The following PRKN variants were observed in gnomAD, a reference collection of about 807,000 sequenced individuals.
PRKN encodes E3 ubiquitin-protein ligase parkin.
PRKN carries 56 observed loss-of-function variants against 59.5 expected under a neutral mutation model. The ratio of observed to expected loss-of-function variants is 0.94; its 90% CI spans 0.76 to 1.18. PRKN has a LOEUF of 1.18. Ranked by LOEUF, PRKN falls within the 50% of genes most tolerant of loss-of-function variation. The probability of loss-of-function intolerance (pLI) is 0.00; values close to 1 mark genes in which losing one functional copy is unlikely to be tolerated. For synonymous variants in PRKN, 250 were observed against 222.1 expected, an observed-to-expected ratio of 1.13 and a Z score of -1.12; for missense variants, 657 against 596.4, an observed-to-expected ratio of 1.10 and a Z score of -1.06.
chr6:161,814,137 C>G (rs1791669856), intron 6 of PRKN, among the ~76,000 whole-genome samples: 1 of 152,164 alleles, frequency 6.6e-6, no homozygotes, highest in Admixed American at 6.5e-5. Context: ...AACTGCCAGT[C>G]TCTAGTTGTA....
intron 6 of PRKN, among the ~76,000 whole-genome samples, chr6:161,958,396 AT>A (rs2128247806): frequency 6.6e-6 from 1 of 152,294 alleles, no homozygotes; most frequent in African/African-American, 2.4e-5. Flanking sequence ...CATTTTGACT[AT>A]TTGAATGTTT....
intron 5 of PRKN, among the ~76,000 whole-genome samples, chr6:161,995,600 T>C (rs1781812268): frequency 6.6e-6 from 1 of 151,942 alleles, no homozygotes; most frequent in South Asian, 2.1e-4. Flanking sequence ...AGCAAAAGGT[T>C]AGAATGGACA....
At chr6:162,043,378 C>T (rs1784138315) in intron 5 of PRKN, among the ~76,000 whole-genome samples, 1 of 152,176 alleles carries the variant, frequency 6.6e-6, no homozygotes, top group African/African-American at 2.4e-5. Context: ...CATATATACA[C>T]AGTTAGATAA....
intron 2 of PRKN, among the ~76,000 whole-genome samples, chr6:162,276,707 C>CTGTG (rs34617876): frequency 6.9e-5 from 10 of 144,524 alleles, no homozygotes; most frequent in Non-Finnish European, 7.6e-5. Context: ...GTGTGTGTGT[C>CTGTG]TGTGTGTGTG....
intron 7 of PRKN, among the ~76,000 whole-genome samples, chr6:161,718,555 G>T (rs777529710): frequency 2.6e-5 from 4 of 151,052 alleles, no homozygotes; most frequent in Non-Finnish European, 5.9e-5. Flanking sequence ...CTAGAGATGT[G>T]CTGGGCAAAG....
chr6:162,273,263 G>A (rs1250442614), intron 2 of PRKN, among the ~76,000 whole-genome samples: 1 of 152,110 alleles, frequency 6.6e-6, no homozygotes, highest in Admixed American at 6.6e-5. Flanking sequence ...GGGATCGAAT[G>A]GGAGCCATGT....
In PRKN at chr6:161,353,151, G is replaced by A. The variant is rs769496705; in HGVS notation, c.1286-2940C>T. Among the ~76,000 whole-genome samples the A allele has an allele frequency of 6.6e-6, 1 of 152,138 alleles. No homozygotes were observed. Among genetic ancestry groups the A allele is most frequent in the Non-Finnish European group, 1.5e-5 (1 of 68,034 alleles). On this transcript the variant is annotated intron_variant, in intron 11 of 11. Transcript: ENST00000366898. The surrounding 1 kb of genome is among the most constrained non-coding windows in gnomAD (Gnocchi z 4.8). Reference sequence around the variant, plus strand: ...TCTTGTTACAGTCTTTTGTCATAATGTTGGGGCAATTCAGGCCTCAGAAAC... The same window carrying A: ...TCTTGTTACAGTCTTTTGTCATAATATTGGGGCAATTCAGGCCTCAGAAAC...
In PRKN at chr6:161,479,750, A is replaced by G. The variant is rs144154890; in HGVS notation, c.1083+69104T>C. On this transcript the variant is annotated intron_variant, in intron 9 of 11. Transcript: ENST00000366898. Reference sequence around the variant, plus strand: ...TTTAGGAGAAAACTGGAATCTTACAATGTAGCCCTCTGAAGGGTGGCTTGC... The same window carrying G: ...TTTAGGAGAAAACTGGAATCTTACAGTGTAGCCCTCTGAAGGGTGGCTTGC... 2.8e-3 allele frequency among the ~76,000 whole-genome samples: 427 copies of G among 152,358 alleles called. 3 individuals are homozygous for G. Among genetic ancestry groups the G allele is most frequent in the Middle Eastern group, 0.024 (7 of 294 alleles).
At chr6:161,816,443 T>C (rs552968712) in intron 6 of PRKN, among the ~76,000 whole-genome samples, 1 of 152,256 alleles carries the variant, frequency 6.6e-6, no homozygotes, top group Admixed American at 6.5e-5. Context: ...ATAGTGGTCT[T>C]ACCGGTGTAT....
At chr6:162,658,858 T>C (rs7767305) in intron 1 of PRKN, among the ~76,000 whole-genome samples, 3,110 of 152,176 alleles carry the variant, frequency 0.02, 117 homozygotes, top group African/African-American at 0.07. Context: ...ATTTTAAAGA[T>C]ATTTAAGAAG....
chr6:161,555,265 A>G lies in PRKN; in HGVS notation c.934-6262T>C, dbSNP rs148347838. On this transcript the variant is annotated intron_variant, in intron 8 of 11. Transcript: ENST00000366898. ...TTTCCTAATAACTTGGTTCACCTTG[A>G]AAAGGTTATTTTGGCTTTCCTTTGA... is the stretch of plus-strand genomic sequence containing the variant. Among the ~76,000 whole-genome samples, 453 of 152,164 alleles carry G rather than the reference A, an allele frequency of 3.0e-3. 1 individual carries two copies. Among genetic ancestry groups the G allele is most frequent in the African/African-American group, 0.011 (441 of 41,506 alleles).
intron 8 of PRKN, among the ~76,000 whole-genome samples, chr6:161,564,734 C>T (rs1163098460): frequency 6.6e-6 from 1 of 152,116 alleles, no homozygotes; most frequent in Non-Finnish European, 1.5e-5. Context: ...CCATTTCTCT[C>T]TCTCTCTCTC....
chr6:162,295,759 C>T (rs1300221250), intron 2 of PRKN, among the ~76,000 whole-genome samples: 1 of 152,168 alleles, frequency 6.6e-6, no homozygotes, highest in African/African-American at 2.4e-5. Context: ...GGGCCTTACA[C>T]ACAAGCCTAC....
At position 161,467,095 on chromosome 6, in the gene PRKN, T is replaced by G. The variant is rs367966609; in HGVS notation, c.1084-80218A>C. Among the ~76,000 whole-genome samples, 4 of 152,344 alleles carry G rather than the reference T, an allele frequency of 2.6e-5. No homozygotes were observed. In the South Asian group the frequency reaches 8.3e-4, roughly 32 times the overall value. On this transcript the variant is annotated intron_variant, in intron 9 of 11. Coordinates refer to ENST00000366898, the MANE Select transcript of PRKN (RefSeq NM_004562.3). The surrounding 1 kb of genome is among the most constrained non-coding windows in gnomAD (Gnocchi z 4.3). ...TTTTCTTCTCACTGTTGCCTCTGGA[T>G]TAAAAAGCCTCTCTCATTACTGCTC...
intron 2 of PRKN, among the ~76,000 whole-genome samples, chr6:162,393,155 C>CTTTTTGTTTTTTTTTTTTTTTTTTTT (rs1787291285): frequency 1.2e-5 from 1 of 80,190 alleles, no homozygotes; most frequent in African/African-American, 5.4e-5. Flanking sequence ...ATAGGAGATT[C>CTTTTTGTTTTTTTTTTTTTTTTTTTT]TTTTTTTTTT....
chr6:162,134,068 C>T (rs1032442175), intron 4 of PRKN, among the ~76,000 whole-genome samples: 1 of 152,108 alleles, frequency 6.6e-6, no homozygotes, highest in East Asian at 1.9e-4. Context: ...ACCCAGTATA[C>T]GTCCTCTTAT....
At chr6:162,660,313 G>A (rs1180947934) in intron 1 of PRKN, among the ~76,000 whole-genome samples, 2 of 152,026 alleles carry the variant, frequency 1.3e-5, no homozygotes, top group Non-Finnish European at 2.9e-5. Context: ...AAATGATTCA[G>A]TCCAGCTCCT....
chr6:162,661,483 C>A (rs1778876984), intron 1 of PRKN, among the ~76,000 whole-genome samples: 1 of 152,100 alleles, frequency 6.6e-6, no homozygotes, highest in Non-Finnish European at 1.5e-5. Flanking sequence ...ACAGTTCCCA[C>A]GGACAATGAG....
At chr6:162,632,027 G>A (rs1333515567) in intron 1 of PRKN, among the ~76,000 whole-genome samples, 1 of 150,758 alleles carries the variant, frequency 6.6e-6, no homozygotes, top group Non-Finnish European at 1.5e-5. Context: ...CAAACAAAAG[G>A]AAACGCTTAT....
Sources: gnomAD v4.1 joint callset for allele counts (sites outside exome capture counted in the v4.1 genomes callset) on GRCh38, gnomAD v4.1.1 for gene constraint, Gnocchi (gnomAD v3.1) non-coding constraint, MANE v1.5 for transcripts, NCBI Gene and HGNC (gene_info 2026-07-23, HGNC 2026-07-21) for gene names.